LIMS2: variants seen among roughly 807,000 people sequenced by gnomAD.
The protein encoded by LIMS2 is LIM and senescent cell antigen-like-containing domain protein 2.
A neutral mutation model predicts 45.3 loss-of-function variants in LIMS2; 30 were observed. The ratio of observed to expected loss-of-function variants is 0.66; its 90% CI spans 0.50 to 0.90. The LOEUF (loss-of-function observed/expected upper bound fraction) is 0.90. Among genes scored for constraint, LIMS2 ranks in the 40% least tolerant of loss-of-function variants. The probability of loss-of-function intolerance (pLI) is 0.00; values close to 1 mark genes in which losing one functional copy is unlikely to be tolerated. For missense variants in LIMS2, 485 were observed against 468.7 expected (o/e 1.03, Z -0.32); for synonymous variants, 173 against 188.0 (o/e 0.92, Z 0.65).
intron 4 of LIMS2, among the ~76,000 whole-genome samples, chr2:127,652,905 C>T (rs571055193): frequency 6.6e-5 from 10 of 152,364 alleles, no homozygotes; most frequent in African/African-American, 1.9e-4. Context: ...CTTTCCAAAA[C>T]GTTTCCAGCA....
intron 1 of LIMS2, among the ~76,000 whole-genome samples, chr2:127,666,707 A>G (rs1685019360): frequency 6.6e-6 from 1 of 152,214 alleles, no homozygotes; most frequent in African/African-American, 2.4e-5. Context: ...ATCGACTCAC[A>G]GTTGAACAGG....
intron 4 of LIMS2, chr2:127,650,634 G>A: frequency 1.0e-6 from 1 of 960,114 alleles, no homozygotes. Flanking sequence ...GAAGGCATTG[G>A]AGGCCTGACT....
rs1685333019 is a variant in LIMS2 at position 127,672,936 on chromosome 2, C to T, written c.11+2078G>A. Among the ~76,000 whole-genome samples the T allele has an allele frequency of 6.6e-6, 1 of 152,250 alleles. No homozygotes were observed. Among genetic ancestry groups the T allele is most frequent in the South Asian group, 2.1e-4 (1 of 4,834 alleles). Reference sequence around the variant, plus strand: ...AGAACCAGGATCCAGGCACGAGGAGCTGCCCGGGATCACATGGGAACAGTG... The same window carrying T: ...AGAACCAGGATCCAGGCACGAGGAGTTGCCCGGGATCACATGGGAACAGTG... On this transcript the variant is annotated intron_variant, in intron 1 of 9. Transcript: ENST00000355119. The surrounding 1 kb of genome is among the most constrained non-coding windows in gnomAD (Gnocchi z 4.9).
Position 127,640,330 on chromosome 2 carries a change from G to A in LIMS2, c.754-12C>T. ...ACGTCCCCGAAGAGCTGTGGGCCGA[G>A]CAGGCTGTCAGAGTAGCTGCAGGCA... On this transcript the variant is annotated splice_polypyrimidine_tract_variant and intron_variant, in intron 7 of 9. Transcript: ENST00000355119. 1.2e-6 allele frequency: 2 copies of A among 1,612,186 alleles called. No individual in the cohort carries two copies. Among genetic ancestry groups the A allele is most frequent in the Non-Finnish European group, 1.7e-6 (2 of 1,179,776 alleles).
chr2:127,641,093 A>T, intron 6 of LIMS2, 105 bp from the exon 7 acceptor site: 1 of 823,940 alleles, frequency 1.2e-6, no homozygotes, highest in Non-Finnish European at 2.0e-6. Flanking sequence ...CAGTGACTCC[A>T]GGGGACCACA....
rs773360906 is a variant in LIMS2, at chr2:127,654,410, C to T, written c.359+14G>A. On this transcript the variant is annotated intron_variant, in intron 4 of 9. Transcript: ENST00000355119. ...TGTGGCCCAGTCCTCTCTGGCCCAA[C>T]ACGGCCACCTCACCTGCCGGCATTC... 3.1e-6 allele frequency: 5 copies of T among 1,613,782 alleles called. No individual in the cohort carries two copies. Among genetic ancestry groups the T allele is most frequent in the East Asian group, 4.5e-5 (2 of 44,896 alleles).
At chr2:127,649,751 T>C (rs1281576737) in intron 4 of LIMS2, among the ~76,000 whole-genome samples, 5 of 152,208 alleles carry the variant, frequency 3.3e-5, no homozygotes, top group African/African-American at 9.6e-5. Context: ...GGACATGACT[T>C]GTTACCCAGG....
chr2:127,658,994 C>T (rs1051270657), intron 1 of LIMS2, among the ~76,000 whole-genome samples: 1 of 152,174 alleles, frequency 6.6e-6, no homozygotes, highest in Non-Finnish European at 1.5e-5. Context: ...GCAATCTGGG[C>T]AGGGCCAGTC....
chr2:127,665,602 G>C (rs1054741566), intron 1 of LIMS2, among the ~76,000 whole-genome samples: 1 of 152,236 alleles, frequency 6.6e-6, no homozygotes, highest in Non-Finnish European at 1.5e-5. Context: ...GCATGGAGAA[G>C]CTGAGCCCAG....
At chr2:127,650,377 CT>C in intron 4 of LIMS2, 1 of 533,032 alleles carries the variant, frequency 1.9e-6, no homozygotes, top group East Asian at 3.2e-5. Flanking sequence ...AACCCAGAGC[CT>C]CACCCAGGCA....
rs533187526 is a variant in LIMS2 at position 127,673,615 on chromosome 2, C to A, written c.11+1399G>T. 2.7e-6 allele frequency: 4 copies of A among 1,505,536 alleles called. No homozygotes were observed. In the South Asian group the frequency reaches 4.8e-5, roughly 18 times the overall value. 93.3% of individuals were successfully genotyped at this position (1,505,536 alleles called of 1,614,324 possible). On this transcript the variant is annotated intron_variant, in intron 1 of 9. Coordinates refer to ENST00000355119, the MANE Select transcript of LIMS2 (RefSeq NM_001161403.3). ...CGGGGCCTCCCATTCCAGCCCCGCA[C>A]CCTTCACGGCTCTGTTCTCCTCGAC...
At position 127,643,033 on chromosome 2, in the gene LIMS2, C is replaced by T. The variant is rs4662751; in HGVS notation, c.399G>A (p.Lys133=). ...GCTGGCAGATGTACTTGCCCAGGCC[C>T]TTGGCCTTCTCACGGTTGTGGCAAG... The part of the protein sequence containing the change: ...CRPCHNREKA[K]GLGKYICQRC... The change falls in exon 5 of 10, where the codon AAG becomes AAA. Residue 133 remains lysine (K), a synonymous_variant. Coordinates refer to ENST00000355119, the MANE Select transcript of LIMS2 (RefSeq NM_001161403.3). The T allele has an allele frequency of 0.53, 847,348 of 1,585,692 alleles. 229,559 individuals are homozygous for T. The highest frequency in any genetic ancestry group is 0.75 in the East Asian group (32,642 of 43,544).
chr2:127,644,147 T>C (rs1242703319), intron 4 of LIMS2: 7 of 455,376 alleles, frequency 1.5e-5, no homozygotes, highest in Non-Finnish European at 3.1e-5. Flanking sequence ...TCATCAGCTG[T>C]GTGCAGGGCA....
intron 4 of LIMS2, among the ~76,000 whole-genome samples, chr2:127,649,626 G>A (rs1279897470): frequency 6.6e-6 from 1 of 152,230 alleles, no homozygotes; most frequent in Admixed American, 6.5e-5. Context: ...GAGGCAGAGT[G>A]TTTGGGACCC....
chr2:127,660,672 T>A (rs926298938), intron 1 of LIMS2, among the ~76,000 whole-genome samples: 5 of 150,992 alleles, frequency 3.3e-5, no homozygotes, highest in Middle Eastern at 3.2e-3. Context: ...ACTGTAACAC[T>A]CACCGTGAGG....
chr2:127,667,671 T>A lies in LIMS2; in HGVS notation c.11+7343A>T, dbSNP rs1009216430. On this transcript the variant is annotated intron_variant, in intron 1 of 9. Transcript: ENST00000355119. The surrounding 1 kb of genome is among the most constrained non-coding windows in gnomAD (Gnocchi z 4.1). ...TTCATAATAAAAGCACCCAACAAAC[T>A]GGGAATAGAAGGGAACTTCTTCAAT... 4.6e-5 allele frequency among the ~76,000 whole-genome samples: 7 copies of A among 152,138 alleles called. No individual in the cohort carries two copies. The highest frequency in any genetic ancestry group is 1.7e-4 in the African/African-American group (7 of 41,448).
intron 6 of LIMS2, 55 bp downstream of exon 6, chr2:127,641,994 C>T: frequency 6.3e-7 from 1 of 1,582,582 alleles, no homozygotes; most frequent in Non-Finnish European, 8.6e-7. Flanking sequence ...CTTACCATGA[C>T]CCTGAGCTGG....
chr2:127,652,632 TA>T (rs1316933167), intron 4 of LIMS2: 83 of 162,948 alleles, frequency 5.1e-4, no homozygotes, highest in African/African-American at 1.9e-3. Context: ...ACTGTAGCTT[TA>T]AGACTACACA....
chr2:127,640,026 G>GC, intron 9 of LIMS2, 44 bp downstream of exon 9: 1 of 1,589,008 alleles, frequency 6.3e-7, no homozygotes. Flanking sequence ...ACCTGCAGGA[G>GC]CCCCCTCCAC....
Sources: gnomAD v4.1 joint callset for allele counts (sites outside exome capture counted in the v4.1 genomes callset) on GRCh38, gnomAD v4.1.1 for gene constraint, Gnocchi (gnomAD v3.1) non-coding constraint, MANE v1.5 for transcripts, NCBI Gene and HGNC (gene_info 2026-07-23, HGNC 2026-07-21) for gene names.